The following BCAS1 variants were observed in gnomAD, a reference collection of about 807,000 sequenced individuals.
BCAS1 encodes the protein breast carcinoma-amplified sequence 1.
Under a neutral mutation model 65.4 loss-of-function variants are expected in BCAS1, and 46 were observed. That is an observed-to-expected ratio of 0.70 (90% CI 0.55 to 0.90). The LOEUF is 0.90. Among genes scored for constraint, BCAS1 ranks in the 40% least tolerant of loss-of-function variants. The pLI is 0.00. For synonymous variants in BCAS1, 298 were observed against 293.5 expected (o/e 1.02, Z -0.16); for missense variants, 793 against 771.2 (o/e 1.03, Z -0.33).
intron 4 of BCAS1, among the ~76,000 whole-genome samples, chr20:54,017,349 G>A (rs750341145): frequency 3.3e-5 from 5 of 151,384 alleles, no homozygotes; most frequent in Non-Finnish European, 7.4e-5. Flanking sequence ...GGACACATGA[G>A]TTGGCACACT....
intron 4 of BCAS1, 86 bp downstream of exon 4, chr20:54,028,306 G>A: frequency 1.4e-6 from 2 of 1,401,750 alleles, no homozygotes; most frequent in Non-Finnish European, 2.0e-6. Context: ...TAGGCCCAGG[G>A]TGACTGCATA....
chr20:53,944,912 G>C lies in BCAS1; in HGVS notation c.*10C>G. Reference sequence around the variant, plus strand: ...GGCAGGAGAACCTGGTGGGAACCGTGCTGATTTGTTTACTTGGATTTGCCA... The same window carrying C: ...GGCAGGAGAACCTGGTGGGAACCGTCCTGATTTGTTTACTTGGATTTGCCA... On this transcript the variant is annotated 3_prime_UTR_variant, in exon 13 of 13. Transcript: ENST00000688948. 9.3e-6 allele frequency: 15 copies of C among 1,613,442 alleles called. No individual in the cohort carries two copies. The highest frequency in any genetic ancestry group is 1.2e-5 in the Non-Finnish European group (14 of 1,179,398).
At chr20:53,951,243 C>A (rs561184127) in intron 12 of BCAS1, among the ~76,000 whole-genome samples, 1 of 152,102 alleles carries the variant, frequency 6.6e-6, no homozygotes, top group Non-Finnish European at 1.5e-5. Flanking sequence ...GAGGCTGAGG[C>A]GGGCGGATCA....
At chr20:53,957,727 C>T (rs2089745284) in intron 10 of BCAS1, among the ~76,000 whole-genome samples, 1 of 152,122 alleles carries the variant, frequency 6.6e-6, no homozygotes, top group Admixed American at 6.5e-5. Context: ...AACAAAAGTA[C>T]TAAATCCTGG....
intron 3 of BCAS1, among the ~76,000 whole-genome samples, chr20:54,034,523 C>T (rs1026146369): frequency 1.3e-5 from 2 of 151,150 alleles, no homozygotes; most frequent in Non-Finnish European, 3.0e-5. Flanking sequence ...GGAATGCACT[C>T]CCACTCACAA....
chr20:54,049,504 G>A (rs992844552), intron 3 of BCAS1, among the ~76,000 whole-genome samples: 5 of 151,854 alleles, frequency 3.3e-5, no homozygotes, highest in African/African-American at 2.4e-5. Context: ...ATGCAGGTGG[G>A]AAAATCTGGT....
intron 4 of BCAS1, among the ~76,000 whole-genome samples, chr20:54,012,119 T>C (rs1464630925): frequency 6.6e-6 from 1 of 152,182 alleles, no homozygotes; most frequent in Non-Finnish European, 1.5e-5. Flanking sequence ...CAGAGATTTA[T>C]GCTGAAGGGG....
At chr20:53,980,608 A>G (rs2090452543) in intron 8 of BCAS1, among the ~76,000 whole-genome samples, 1 of 152,232 alleles carries the variant, frequency 6.6e-6, no homozygotes, top group Admixed American at 6.5e-5. Context: ...TGGAACATCT[A>G]ATAAACTGTT....
At chr20:54,051,301 A>C (rs2092208340) in intron 3 of BCAS1, among the ~76,000 whole-genome samples, 1 of 152,336 alleles carries the variant, frequency 6.6e-6, no homozygotes. Flanking sequence ...GCATGTGAAC[A>C]AAACAGGGGA....
intron 3 of BCAS1, among the ~76,000 whole-genome samples, chr20:54,032,253 A>G (rs1248911077): frequency 6.6e-6 from 1 of 151,332 alleles, no homozygotes; most frequent in Non-Finnish European, 1.5e-5. Context: ...CAAAAGAGAA[A>G]TAAGATCATT....
intron 3 of BCAS1, among the ~76,000 whole-genome samples, chr20:54,031,010 CAGG>C (rs1163289549): frequency 6.6e-6 from 1 of 151,254 alleles, no homozygotes; most frequent in South Asian, 2.1e-4. Flanking sequence ...TGGTCCATGC[CAGG>C]AGAAGAGGGT....
chr20:53,958,880 C>G (rs1223442958), intron 10 of BCAS1, among the ~76,000 whole-genome samples: 1 of 152,198 alleles, frequency 6.6e-6, no homozygotes, highest in African/African-American at 2.4e-5. Context: ...ATATTCCACA[C>G]TCTAAACCAC....
At chr20:53,996,746 T>G (rs1227961627) in intron 4 of BCAS1, among the ~76,000 whole-genome samples, 2 of 152,076 alleles carry the variant, frequency 1.3e-5, no homozygotes, top group African/African-American at 2.4e-5. Context: ...CAATACATTC[T>G]TTACTCAACA....
intron 6 of BCAS1, 124 bp downstream of exon 6, chr20:53,994,888 T>C (rs1345661093): frequency 1.1e-5 from 6 of 556,896 alleles, no homozygotes; most frequent in Admixed American, 8.4e-5. Flanking sequence ...ATAGATATGA[T>C]ACACACACAC....
At chr20:54,051,043 T>C (rs1441838918) in intron 3 of BCAS1, among the ~76,000 whole-genome samples, 1 of 152,062 alleles carries the variant, frequency 6.6e-6, no homozygotes, top group South Asian at 2.1e-4. Context: ...AGCTTTTGAG[T>C]GAAAAAGGTA....
intron 3 of BCAS1, among the ~76,000 whole-genome samples, chr20:54,034,251 C>T (rs1475121286): frequency 1.3e-5 from 2 of 151,284 alleles, no homozygotes; most frequent in African/African-American, 4.8e-5. Context: ...CTCACCACTC[C>T]TATTCAACAT....
intron 4 of BCAS1, among the ~76,000 whole-genome samples, chr20:54,021,730 G>A (rs1417879819): frequency 2.6e-5 from 4 of 152,072 alleles, no homozygotes; most frequent in African/African-American, 7.2e-5. Flanking sequence ...GGGCCTGTCG[G>A]GGGTTGGGGG....
In BCAS1 at chr20:54,029,275, T is replaced by A. The variant is rs956761279; in HGVS notation, c.143-303A>T. ...TTCTTTTATCTGTGTAAGAACTCCG[T>A]GAGCAGCATATTGTCATGATGTCAA... On this transcript the variant is annotated intron_variant, in intron 3 of 12. Coordinates refer to ENST00000688948, the MANE Select transcript of BCAS1 (RefSeq NM_001366298.2). 3.1e-6 allele frequency: 3 copies of A among 971,356 alleles called. No individual in the cohort carries two copies. The African/African-American group carries it at 5.3e-5, about 17-fold the overall frequency. 60.2% of individuals were successfully genotyped at this position (971,356 alleles called of 1,614,324 possible).
chr20:53,980,585 T>G (rs2090451757), intron 8 of BCAS1, among the ~76,000 whole-genome samples: 3 of 152,224 alleles, frequency 2.0e-5, no homozygotes, highest in Non-Finnish European at 4.4e-5. Flanking sequence ...TTCTTTAATT[T>G]CTAGGTCTCT....
Sources: gnomAD v4.1 joint callset for allele counts (sites outside exome capture counted in the v4.1 genomes callset) on GRCh38, gnomAD v4.1.1 for gene constraint, MANE v1.5 for transcripts, NCBI Gene and HGNC (gene_info 2026-07-23, HGNC 2026-07-21) for gene names.